The following MIA2 variants were observed in gnomAD, a reference collection of about 807,000 sequenced individuals.
The protein encoded by MIA2 is melanoma inhibitory activity protein 2.
MIA2 carries 127 observed loss-of-function variants against 167.8 expected under a neutral mutation model. That is an observed-to-expected ratio of 0.76 (90% CI 0.66 to 0.88). The LOEUF (loss-of-function observed/expected upper bound fraction) is 0.88, where lower values mean the gene tolerates loss of function less well. MIA2 is among the 40% of genes least tolerant of loss of function. The pLI is 0.00. For missense variants in MIA2, 1,690 were observed against 1,624.7 expected, an observed-to-expected ratio of 1.04 and a Z score of -0.69; for synonymous variants, 552 against 541.9, an observed-to-expected ratio of 1.02 and a Z score of -0.26.
chr14:39,236,944 C>T lies in MIA2; in HGVS notation c.138C>T (p.Ala46=). ...TAGCTTTAATAAACAGAGTCTCAGCCATGAGAGATTATAGAGGACCTGACT... is the reference window on the plus strand; with the variant it reads ...TAGCTTTAATAAACAGAGTCTCAGCTATGAGAGATTATAGAGGACCTGACT... ...ECEALINRVS[A]MRDYRGPDCR... is the part of the protein sequence containing the mutation. Residue 46 remains alanine (A), a synonymous_variant, in exon 2 of 29, where the codon GCC becomes GCT. Coordinates refer to ENST00000640607, the MANE Select transcript of MIA2 (RefSeq NM_001329214.4). 2.5e-6 allele frequency: 4 copies of T among 1,613,028 alleles called. No homozygotes were observed. The East Asian group carries it at 8.9e-5, about 36-fold the overall frequency.
At chr14:39,234,937 TTAAA>T (rs2053662633) in intron 1 of MIA2, among the ~76,000 whole-genome samples, 1 of 152,054 alleles carries the variant, frequency 6.6e-6, no homozygotes, top group South Asian at 2.1e-4. Context: ...TAGAGTTGCT[TTAAA>T]TAAGTTATTT....
chr14:39,373,626 G>A (rs2074993019), intron 23 of MIA2, among the ~76,000 whole-genome samples: 1 of 152,064 alleles, frequency 6.6e-6, no homozygotes, highest in African/African-American at 2.4e-5. Context: ...TTTGAGACCA[G>A]CCTCGCCAAC....
chr14:39,369,241 G>C (rs984266359), intron 23 of MIA2, among the ~76,000 whole-genome samples: 2 of 152,138 alleles, frequency 1.3e-5, no homozygotes, highest in Non-Finnish European at 2.9e-5. Context: ...TTGGCAGGGT[G>C]AAGGCTGTTC....
downstream of MIA2, among the ~76,000 whole-genome samples, chr14:39,356,365 T>C (rs2074525421): frequency 6.6e-6 from 1 of 152,178 alleles, no homozygotes. Context: ...TATTCTCTGA[T>C]GGTAGTTTGT....
chr14:39,315,707 C>T lies in MIA2; in HGVS notation c.3205C>T (p.His1069Tyr), dbSNP rs1473365349. 6.4e-7 allele frequency: 1 copy of T among 1,552,966 alleles called. No homozygotes were observed. The highest frequency in any genetic ancestry group is 8.8e-7 in the Non-Finnish European group (1 of 1,136,572). ...GATTATTTCCCATGAGAAAAAAGCA[C>T]ATGATAATTGGGTAAGTTTAAAATT... is the stretch of plus-strand genomic sequence containing the variant. ...GQIISHEKKA[H>Y]DNWLAARNAE... is the part of the protein sequence containing the mutation. Residue 1069 changes from histidine to tyrosine, a missense_variant, in exon 21 of 29, where the codon CAT becomes TAT. Transcript: ENST00000640607.
At chr14:39,293,449 A>G in intron 11 of MIA2, 68 bp downstream of exon 11, 1 of 1,065,502 alleles carries the variant, frequency 9.4e-7, no homozygotes, top group Non-Finnish European at 1.4e-6. Flanking sequence ...AATTAATATG[A>G]TACTGGTTAA....
intron 9 of MIA2, among the ~76,000 whole-genome samples, chr14:39,283,053 T>G (rs1270061755): frequency 6.6e-6 from 1 of 152,246 alleles, no homozygotes; most frequent in Non-Finnish European, 1.5e-5. Context: ...CCGTCCATGT[T>G]GTAGCAAATG....
chr14:39,339,935 T>A (rs1409926055), intron 25 of MIA2, among the ~76,000 whole-genome samples: 1 of 152,208 alleles, frequency 6.6e-6, no homozygotes, highest in Non-Finnish European at 1.5e-5. Context: ...AGCCTCGACC[T>A]CCTGGGCCCA....
At chr14:39,385,409 C>G in intron 23 of MIA2, 3 of 1,306,822 alleles carry the variant, frequency 2.3e-6, no homozygotes. Flanking sequence ...CAGGCAGGTT[C>G]TGTACTTGAT....
At chr14:39,284,824 A>C (rs976516864) in intron 9 of MIA2, among the ~76,000 whole-genome samples, 2 of 151,168 alleles carry the variant, frequency 1.3e-5, no homozygotes, top group African/African-American at 4.9e-5. Context: ...GTCATAGGAC[A>C]ATAGTGGAGG....
At chr14:39,348,688 G>C in intron 27 of MIA2, 55 bp from the exon 28 acceptor site, 1 of 1,601,118 alleles carries the variant, frequency 6.2e-7, no homozygotes, top group South Asian at 1.1e-5. Flanking sequence ...AGATTTTCGG[G>C]AAAATGATTG....
At chr14:39,266,592 G>A (rs75490187) in intron 6 of MIA2, 1 of 985,424 alleles carries the variant, frequency 1.0e-6, no homozygotes, top group Non-Finnish European at 1.2e-6. Flanking sequence ...CCAAACCACA[G>A]CTGAGCCGGG....
chr14:39,243,946 T>C (rs1462823334), intron 3 of MIA2, among the ~76,000 whole-genome samples: 1 of 152,164 alleles, frequency 6.6e-6, no homozygotes, highest in Admixed American at 6.5e-5. Context: ...CAATAAAGTA[T>C]GGATAGCCCT....
intron 17 of MIA2, among the ~76,000 whole-genome samples, chr14:39,306,358 G>A (rs567221826): frequency 6.6e-6 from 1 of 152,266 alleles, no homozygotes; most frequent in East Asian, 1.9e-4. Context: ...GGAGGTGTCA[G>A]GAAATTAACA....
In MIA2 at chr14:39,388,234, AGTATTTATT is replaced by A. The variant is rs2075297006; in HGVS notation, c.*1284_*1292del. ...GATAAAGTAAGGCATACCCATGTAG[AGTATTTATT>A]GACAGCTATCCAAACAATCTTACAT... is the stretch of plus-strand genomic sequence containing the variant. On this transcript the variant is annotated 3_prime_UTR_variant, in exon 24 of 24. Coordinates refer to the MIA2 transcript ENST00000341502. This position sits in a 1 kb window ranked among gnomAD's most constrained non-coding sequence, Gnocchi z 4.1. The A allele has an allele frequency of 6.6e-6, 1 of 152,252 alleles. No individual in the cohort carries two copies. Among genetic ancestry groups the A allele is most frequent in the Non-Finnish European group, 1.5e-5 (1 of 68,050 alleles). 9.4% of individuals were successfully genotyped at this position (152,252 alleles called of 1,614,324 possible).
chr14:39,267,319 C>G (rs1453027737), intron 6 of MIA2: 3 of 1,503,614 alleles, frequency 2.0e-6, no homozygotes, highest in Admixed American at 4.9e-5. Flanking sequence ...CAGCTCCCCC[C>G]GCAGCCGGCT....
intron 13 of MIA2, among the ~76,000 whole-genome samples, chr14:39,297,844 C>CATAA (rs2061659606): frequency 6.6e-6 from 1 of 152,084 alleles, no homozygotes; most frequent in East Asian, 1.9e-4. Flanking sequence ...CCTGCTTATA[C>CATAA]CCCTGGTATT....
intron 23 of MIA2, chr14:39,370,869 G>C (rs1407154974): frequency 6.6e-6 from 1 of 152,334 alleles, no homozygotes; most frequent in East Asian, 1.9e-4. Context: ...CTAACACGTG[G>C]TCCTTGAAGA....
At chr14:39,329,372 G>C (rs2068283946) in intron 25 of MIA2, among the ~76,000 whole-genome samples, 3 of 152,130 alleles carry the variant, frequency 2.0e-5, no homozygotes, top group African/African-American at 2.4e-5. Context: ...AGATGATGGG[G>C]TTTTCTAAAT....
Sources: gnomAD v4.1 joint callset for allele counts (sites outside exome capture counted in the v4.1 genomes callset) on GRCh38, gnomAD v4.1.1 for gene constraint, Gnocchi (gnomAD v3.1) non-coding constraint, MANE v1.5 for transcripts, NCBI Gene and HGNC (gene_info 2026-07-23, HGNC 2026-07-21) for gene names.